The following CCDC180 variants were observed in gnomAD, a reference collection of about 807,000 sequenced individuals.
CCDC180 encodes coiled-coil domain-containing protein 180.
A neutral mutation model predicts 209.2 loss-of-function variants in CCDC180; 154 were observed. The observed-to-expected ratio is 0.74, with a 90% CI of 0.65 to 0.84. CCDC180 has a LOEUF of 0.84. Ranked by LOEUF, CCDC180 falls within the 40% of genes least tolerant of loss-of-function variation. The pLI is 0.00. For synonymous variants in CCDC180, 778 were observed against 749.1 expected, an observed-to-expected ratio of 1.04 and a Z score of -0.63; for missense variants, 1,874 against 1,997.3, an observed-to-expected ratio of 0.94 and a Z score of 1.18.
At chr9:97,319,542 A>G (rs755241928) in intron 10 of CCDC180, among the ~76,000 whole-genome samples, 1 of 152,130 alleles carries the variant, frequency 6.6e-6, no homozygotes, top group Non-Finnish European at 1.5e-5. Flanking sequence ...GCCCATATGT[A>G]TTCAAAGTTT....
At position 97,307,810 on chromosome 9, in the gene CCDC180, A is replaced by T. The variant is rs1332338129; in HGVS notation, c.-82+4A>T. 1 of 1,614,020 alleles carries T rather than the reference A, an allele frequency of 6.2e-7. No homozygotes were observed. Among genetic ancestry groups the T allele is most frequent in the Non-Finnish European group, 8.5e-7 (1 of 1,179,998 alleles). On this transcript the variant is annotated splice_donor_region_variant and intron_variant, in intron 1 of 36. Transcript: ENST00000529487. ...TCGAGTTCAGAGCTCATCTGAGGTT[A>T]GTTTCATCGTTTCGTTGAAAGTTAA... is the stretch of plus-strand genomic sequence containing the variant.
At chr9:97,350,367 T>C (rs1272270563) in intron 21 of CCDC180, 42 bp from the exon 22 acceptor site, 2 of 1,528,120 alleles carry the variant, frequency 1.3e-6, no homozygotes, top group Admixed American at 3.9e-5. Flanking sequence ...TCCCCCAGGG[T>C]TGTCCCCCAT....
At position 97,330,761 on chromosome 9, in the gene CCDC180, G is replaced by A. The variant is rs1475873168; in HGVS notation, c.2268G>A (p.Val756=). 2 of 1,596,368 alleles carry A rather than the reference G, an allele frequency of 1.3e-6. No homozygotes were observed. The highest frequency in any genetic ancestry group is 1.3e-5 in the African/African-American group (1 of 74,834). The stretch of plus-strand genomic sequence containing the variant: ...AGGAAGAGCAAGAGAGTTTATCTGT[G>A]GGTGAGGTAAGCCAGCAACTGATTC... ...EAQEEQESLS[V]GEEEDKEEGL... Residue 756 remains valine, a synonymous_variant, in exon 18 of 37, where the codon GTG becomes GTA. Transcript: ENST00000529487.
At chr9:97,367,172 A>G (rs1428189321) in intron 31 of CCDC180, among the ~76,000 whole-genome samples, 1 of 152,156 alleles carries the variant, frequency 6.6e-6, no homozygotes, top group African/African-American at 2.4e-5. Flanking sequence ...TCATGAGAAT[A>G]GAATTGTATA....
Position 97,360,157 on chromosome 9 carries a change from C to T in CCDC180, c.3483+56C>T, listed in dbSNP as rs1219214997. ...GTGGGTGAGCTGTTGTCTGGGCTCC[C>T]AGGAGACCTGCAGGGCTCAGTAGAG... On this transcript the variant is annotated intron_variant, in intron 26 of 36. Coordinates refer to ENST00000529487, the MANE Select transcript of CCDC180 (RefSeq NM_020893.6). The T allele has an allele frequency of 5.6e-5, 90 of 1,595,846 alleles. 1 individual carries two copies. In the South Asian group the frequency reaches 7.2e-4, roughly 13 times the overall value.
At chr9:97,365,560 C>A in intron 29 of CCDC180, 113 bp from the exon 30 acceptor site, 1 of 895,984 alleles carries the variant, frequency 1.1e-6, no homozygotes, top group South Asian at 1.4e-5. Flanking sequence ...TGAGTAATTT[C>A]AAGGAGTGTC....
chr9:97,375,508 C>G lies in CCDC180; in HGVS notation c.4761C>G (p.Leu1587=). Reference sequence around the variant, plus strand: ...TCACCATCCAAAACAAGATTCTTCTCCAGCCAACATCATCGATTTCCACCA... The same window carrying G: ...TCACCATCCAAAACAAGATTCTTCTGCAGCCAACATCATCGATTTCCACCA... The part of the protein sequence containing the change: ...TEVTIQNKIL[L]QPTSSISTTK... The change falls in exon 36 of 37, where the codon CTC becomes CTG. Residue 1587 remains leucine (L), a synonymous_variant. Coordinates refer to ENST00000529487, the MANE Select transcript of CCDC180 (RefSeq NM_020893.6). 6.2e-7 allele frequency: 1 copy of G among 1,614,220 alleles called. No individual in the cohort carries two copies. Among genetic ancestry groups the G allele is most frequent in the Non-Finnish European group, 8.5e-7 (1 of 1,180,050 alleles).
upstream of CCDC180, chr9:97,307,602 A>T (rs543930701): frequency 1.3e-6 from 1 of 779,958 alleles, no homozygotes; most frequent in African/African-American, 1.7e-5. Context: ...AGGGTGGATT[A>T]GGGTCCCGGA....
chr9:97,364,025 A>C, intron 28 of CCDC180, 26 bp from the exon 29 acceptor site: 6 of 1,611,116 alleles, frequency 3.7e-6, no homozygotes, highest in Non-Finnish European at 5.1e-6. Context: ...CAGCCTCCAG[A>C]CCACCCACCC....
intron 3 of CCDC180, 112 bp downstream of exon 3, chr9:97,309,716 C>A: frequency 1.2e-6 from 1 of 853,062 alleles, no homozygotes; most frequent in Non-Finnish European, 1.7e-6. Context: ...GTCTCAAGTA[C>A]CACCCCTAAA....
intron 21 of CCDC180, among the ~76,000 whole-genome samples, chr9:97,349,663 T>C (rs990374527): frequency 6.6e-6 from 1 of 152,050 alleles, no homozygotes; most frequent in Non-Finnish European, 1.5e-5. Context: ...TGGGAGAGGG[T>C]TGAATTCCAC....
chr9:97,315,838 G>C (rs1242895696), intron 8 of CCDC180, among the ~76,000 whole-genome samples: 1 of 152,210 alleles, frequency 6.6e-6, no homozygotes, highest in Non-Finnish European at 1.5e-5. Context: ...TGAGCCTGGA[G>C]CTTGCTGCGT....
At chr9:97,346,193 C>T (rs892737945) in intron 19 of CCDC180, among the ~76,000 whole-genome samples, 27 of 152,316 alleles carry the variant, frequency 1.8e-4, no homozygotes, top group Admixed American at 5.2e-4. Flanking sequence ...AATGACTTCA[C>T]GCTGCTTTAT....
At chr9:97,369,804 G>C in intron 31 of CCDC180, 118 bp from the exon 32 acceptor site, 2 of 1,116,442 alleles carry the variant, frequency 1.8e-6, no homozygotes, top group Non-Finnish European at 2.6e-6. Flanking sequence ...CTCTTACCAC[G>C]TTGGAGACCA....
intron 17 of CCDC180, 27 bp from the exon 18 acceptor site, chr9:97,330,295 T>A (rs193248373): frequency 6.2e-7 from 1 of 1,612,684 alleles, no homozygotes; most frequent in Non-Finnish European, 8.5e-7. Flanking sequence ...TTGTCTCTCC[T>A]TGTGCTTTGG....
intron 19 of CCDC180, among the ~76,000 whole-genome samples, chr9:97,344,023 G>A (rs772817213): frequency 1.3e-5 from 2 of 152,114 alleles, no homozygotes; most frequent in African/African-American, 2.4e-5. Context: ...CATGTCCATC[G>A]CTAGAAGACA....
intron 13 of CCDC180, among the ~76,000 whole-genome samples, 200 bp from the exon 14 acceptor site, chr9:97,324,819 C>T (rs1833475215): frequency 6.6e-6 from 1 of 152,182 alleles, no homozygotes; most frequent in Admixed American, 6.5e-5. Context: ...AGACCAAGGG[C>T]AGGGCCTTGG....
chr9:97,354,189 G>A (rs1049035593), intron 22 of CCDC180, among the ~76,000 whole-genome samples: 4 of 151,696 alleles, frequency 2.6e-5, no homozygotes, highest in African/African-American at 9.7e-5. Context: ...TTAGAGACAG[G>A]GTCCTGCTGC....
In CCDC180 at chr9:97,349,173, A is replaced by C. The variant is rs1042682823; in HGVS notation, c.2737A>C (p.Lys913Gln). The C allele has an allele frequency of 1.3e-6, 2 of 1,536,266 alleles. No homozygotes were observed. The highest frequency in any genetic ancestry group is 2.7e-5 in the African/African-American group (2 of 73,050). ...SHCAGVTETLKKKRLMFCQFQ... is the reference protein window; with the variant it reads ...SHCAGVTETLQKKRLMFCQFQ... ...CTGTGCTGGGGTGACCGAGACGCTG[A>C]AGAAGAAGCGGCTGATGTTCTGCCA... The change falls in exon 21 of 37, where the codon AAG (lysine) becomes CAG (glutamine). Residue 913 changes from lysine to glutamine, a missense_variant. Coordinates refer to ENST00000529487, the MANE Select transcript of CCDC180 (RefSeq NM_020893.6).
Sources: gnomAD v4.1 joint callset for allele counts (sites outside exome capture counted in the v4.1 genomes callset) on GRCh38, gnomAD v4.1.1 for gene constraint, MANE v1.5 for transcripts, NCBI Gene and HGNC (gene_info 2026-07-23, HGNC 2026-07-21) for gene names.